Variants in LPP observed in about 807,000 individuals in gnomAD.
The protein encoded by LPP is lipoma-preferred partner.
LPP carries 38 observed loss-of-function variants against 60.4 expected under a neutral mutation model. That is an observed-to-expected ratio of 0.63 (90% CI 0.49 to 0.83). LPP has a LOEUF of 0.83. Among genes scored for constraint, LPP ranks in the 40% least tolerant of loss-of-function variants. The pLI, the probability that LPP is intolerant of heterozygous loss-of-function variation, is 0.00. For synonymous variants in LPP, 328 were observed against 290.8 expected (o/e 1.13, Z -1.30); for missense variants, 902 against 783.6 (o/e 1.15, Z -1.80).
intron 1 of LPP, among the ~76,000 whole-genome samples, chr3:188,159,059 C>A (rs1023149312): frequency 3.3e-5 from 5 of 152,214 alleles, no homozygotes; most frequent in Non-Finnish European, 7.3e-5. Flanking sequence ...CCTCTTTCAA[C>A]AGAGCTCGCT....
At chr3:188,261,013 CA>C (rs1187939310) in intron 2 of LPP, among the ~76,000 whole-genome samples, 1 of 152,096 alleles carries the variant, frequency 6.6e-6, no homozygotes, top group Non-Finnish European at 1.5e-5. Context: ...GCGGAGGTTG[CA>C]GTGAGCTGAG....
intron 3 of LPP, among the ~76,000 whole-genome samples, chr3:188,394,021 T>C (rs1780317959): frequency 6.6e-6 from 1 of 152,142 alleles, no homozygotes; most frequent in Non-Finnish European, 1.5e-5. Context: ...ATACTTGGGG[T>C]TTTGTTTATG....
chr3:188,372,456 G>A (rs372240459), intron 3 of LPP, among the ~76,000 whole-genome samples: 106 of 152,110 alleles, frequency 7.0e-4, no homozygotes, highest in African/African-American at 2.4e-3. Context: ...AATACAAAGC[G>A]TTGAGCTTCC....
intron 9 of LPP, among the ~76,000 whole-genome samples, chr3:188,771,379 T>G (rs1447713649): frequency 6.6e-6 from 1 of 151,610 alleles, no homozygotes; most frequent in Non-Finnish European, 1.5e-5. Flanking sequence ...TGAAACTCCA[T>G]CTCTACTAAA....
chr3:188,753,739 A>G (rs1312496248), intron 8 of LPP, among the ~76,000 whole-genome samples: 1 of 151,906 alleles, frequency 6.6e-6, no homozygotes, highest in Admixed American at 6.6e-5. Flanking sequence ...AGTGGCAGTC[A>G]TTGATCCTTT....
At chr3:188,464,741 A>G (rs1308930444) in intron 4 of LPP, among the ~76,000 whole-genome samples, 1 of 152,110 alleles carries the variant, frequency 6.6e-6, no homozygotes. Flanking sequence ...ATTATAGGGC[A>G]CTCTATAACA....
chr3:188,615,601 T>C (rs1319720171), intron 7 of LPP, among the ~76,000 whole-genome samples: 1 of 152,210 alleles, frequency 6.6e-6, no homozygotes, highest in Non-Finnish European at 1.5e-5. Context: ...TTGTGTTCAC[T>C]TTGAAGAATT....
chr3:188,522,559 G>C (rs530934474), intron 5 of LPP, among the ~76,000 whole-genome samples: 310 of 152,132 alleles, frequency 2.0e-3, no homozygotes, highest in African/African-American at 7.2e-3. Context: ...TCTTGAAAGA[G>C]AGTCCAAGGA....
intron 9 of LPP, among the ~76,000 whole-genome samples, chr3:188,812,091 G>T (rs1751167996): frequency 1.3e-5 from 2 of 151,964 alleles, no homozygotes; most frequent in Non-Finnish European, 2.9e-5. Context: ...GTTCCTCCTG[G>T]TCTGTTCCTA....
chr3:188,688,202 C>T (rs890973747), intron 7 of LPP, among the ~76,000 whole-genome samples: 2 of 152,110 alleles, frequency 1.3e-5, no homozygotes, highest in African/African-American at 4.8e-5. Flanking sequence ...TGGCACAGCT[C>T]ATATTCTGGT....
intron 3 of LPP, among the ~76,000 whole-genome samples, chr3:188,379,079 C>T (rs1776142260): frequency 6.6e-6 from 1 of 151,894 alleles, no homozygotes; most frequent in Non-Finnish European, 1.5e-5. Context: ...AAGATAAGGA[C>T]CATTTTCTTT....
At chr3:188,639,888 G>A (rs1849684622) in intron 7 of LPP, among the ~76,000 whole-genome samples, 1 of 152,052 alleles carries the variant, frequency 6.6e-6, no homozygotes, top group Admixed American at 6.6e-5. Flanking sequence ...GAGAGGATGT[G>A]GAGAAATAGG....
chr3:188,722,943 A>G (rs552339221), intron 8 of LPP, among the ~76,000 whole-genome samples: 2 of 152,284 alleles, frequency 1.3e-5, no homozygotes, highest in East Asian at 3.9e-4. Flanking sequence ...GTTTATCTCT[A>G]TTTGAATTAA....
chr3:188,448,918 T>C (rs1273592205), intron 4 of LPP, among the ~76,000 whole-genome samples: 2 of 152,246 alleles, frequency 1.3e-5, no homozygotes, highest in Non-Finnish European at 2.9e-5. Flanking sequence ...TTCTACCTTC[T>C]TAAATCTTTT....
At chr3:188,383,027 T>C (rs1777311933) in intron 3 of LPP, among the ~76,000 whole-genome samples, 1 of 152,228 alleles carries the variant, frequency 6.6e-6, no homozygotes, top group African/African-American at 2.4e-5. Flanking sequence ...TACTCCTATA[T>C]TTGGTTCAAG....
chr3:188,467,138 A>G (rs1579126156), intron 4 of LPP, among the ~76,000 whole-genome samples: 2 of 151,822 alleles, frequency 1.3e-5, no homozygotes, highest in African/African-American at 4.8e-5. Flanking sequence ...ACAATATAAA[A>G]CTTGTTTAGC....
Position 188,881,998 on chromosome 3 carries a change from G to C in LPP, c.*7519G>C. The C allele has an allele frequency of 4.7e-6, 1 of 211,350 alleles. No homozygotes were observed. Among genetic ancestry groups the C allele is most frequent in the East Asian group, 7.2e-5 (1 of 13,924 alleles). 13.1% of individuals were successfully genotyped at this position (211,350 alleles called of 1,614,324 possible). Reference sequence around the variant, plus strand: ...GAGTCCATATTTTTCTTTTCTTTTTGTTCTCCCAACATCCTTATCTCTTAC... The same window carrying C: ...GAGTCCATATTTTTCTTTTCTTTTTCTTCTCCCAACATCCTTATCTCTTAC... On this transcript the variant is annotated 3_prime_UTR_variant, in exon 12 of 12. Transcript: ENST00000617246.
At chr3:188,755,959 A>G (rs1419789032) in intron 8 of LPP, among the ~76,000 whole-genome samples, 1 of 151,828 alleles carries the variant, frequency 6.6e-6, no homozygotes, top group African/African-American at 2.4e-5. Flanking sequence ...GCCATCCCCA[A>G]AAATGACTTG....
chr3:188,334,923 T>A (rs1761226586), intron 2 of LPP, among the ~76,000 whole-genome samples: 1 of 152,236 alleles, frequency 6.6e-6, no homozygotes, highest in Admixed American at 6.5e-5. Flanking sequence ...CCATTTTCTG[T>A]ATATGGATGT....
Sources: gnomAD v4.1 joint callset for allele counts (sites outside exome capture counted in the v4.1 genomes callset) on GRCh38, gnomAD v4.1.1 for gene constraint, MANE v1.5 for transcripts, NCBI Gene and HGNC (gene_info 2026-07-23, HGNC 2026-07-21) for gene names.